Variants in PAX2 observed in about 807,000 individuals in gnomAD.
The protein encoded by PAX2 is paired box protein Pax-2.
A neutral mutation model predicts 41.7 loss-of-function variants in PAX2; 9 were observed. That is an observed-to-expected ratio of 0.22 (90% CI 0.13 to 0.38). The LOEUF is 0.38. Ranked by LOEUF, PAX2 falls within the 10% of genes least tolerant of loss-of-function variation. PAX2 has a pLI of 1.00. For missense variants in PAX2, 418 were observed against 531.6 expected (o/e 0.79, Z 2.10); for synonymous variants, 221 against 212.7 (o/e 1.04, Z -0.34).
At chr10:100,798,104 C>G (rs996786802) in intron 5 of PAX2, among the ~76,000 whole-genome samples, 1 of 86,536 alleles carries the variant, frequency 1.2e-5, no homozygotes, top group African/African-American at 4.3e-5. Context: ...ATGTCCACCT[C>G]TTTTTTTTTT....
upstream of PAX2, among the ~76,000 whole-genome samples, chr10:100,743,226 C>T (rs746045496): frequency 1.3e-5 from 2 of 152,138 alleles, no homozygotes; most frequent in Non-Finnish European, 2.9e-5. Context: ...GGTCTTTACT[C>T]CTCAGAAGGT....
intron 5 of PAX2, among the ~76,000 whole-genome samples, chr10:100,796,882 T>A (rs933726892): frequency 1.3e-5 from 2 of 152,246 alleles, no homozygotes; most frequent in Non-Finnish European, 2.9e-5. Context: ...CGACTAGCTA[T>A]GTGACATGGG....
Position 100,827,817 on chromosome 10 carries a change from T to C in PAX2, c.*198T>C, listed in dbSNP as rs12098288. On this transcript the variant is annotated 3_prime_UTR_variant, in exon 10 of 10. Transcript: ENST00000355243. The surrounding 1 kb of genome is among the most constrained non-coding windows in gnomAD (Gnocchi z 8.5). ...AGGTCGGACAGGACGGGTGGAGCCG[T>C]GGGCGGGACCCTCAGGCCCGGGCCC... The C allele has an allele frequency of 0.3, 230,900 of 768,822 alleles. 42,631 individuals carry two copies. The highest frequency in any genetic ancestry group is 0.75 in the African/African-American group (41,943 of 56,224). The allele number at this position is 768,822 out of a possible 1,614,324, so 47.6% of individuals were successfully genotyped here. A position where few individuals can be genotyped will look rare whatever the true frequency, so the allele number is the denominator to read the frequency against.
In PAX2 at chr10:100,745,589, G is replaced by A. The variant is rs1298446005; in HGVS notation, c.-672G>A. The A allele has an allele frequency of 9.7e-6, 2 of 206,048 alleles. No individual in the cohort carries two copies. Among genetic ancestry groups the A allele is most frequent in the Non-Finnish European group, 1.8e-5 (2 of 108,966 alleles). The allele number at this position is 206,048 out of a possible 1,614,324, so 12.8% of individuals were successfully genotyped here. A position where few individuals can be genotyped will look rare whatever the true frequency, so the allele number is the denominator to read the frequency against. ...ACCGGGAGCCGAGGCTCCAGTCTCC[G>A]GCCGAGTCTTCTCGCAGCCGCAACC... On this transcript the variant is annotated 5_prime_UTR_variant, in exon 1 of 10. Transcript: ENST00000355243.
intron 5 of PAX2, among the ~76,000 whole-genome samples, chr10:100,788,339 C>G (rs191215534): frequency 4.6e-5 from 7 of 152,194 alleles, no homozygotes. Context: ...CAGGCGTGCC[C>G]TGGTCACCAA....
chr10:100,769,635 A>AAAAT (rs1226326061), intron 3 of PAX2, among the ~76,000 whole-genome samples: 1 of 145,456 alleles, frequency 6.9e-6, no homozygotes, highest in Non-Finnish European at 1.5e-5. Flanking sequence ...AGAATAAAAT[A>AAAAT]AAATAAAATA....
In PAX2 at chr10:100,750,263, G is replaced by A. The variant is rs1362871795; in HGVS notation, c.212+349G>A. ...GGGGGGGGAGTGAAAATGGGTCCCCGAGAGGAGAAGCAGCAGCATTTGGGA... is the reference window on the plus strand; with the variant it reads ...GGGGGGGGAGTGAAAATGGGTCCCCAAGAGGAGAAGCAGCAGCATTTGGGA... On this transcript the variant is annotated intron_variant, in intron 2 of 9. Transcript: ENST00000355243. The surrounding 1 kb of genome is among the most constrained non-coding windows in gnomAD (Gnocchi z 4.1). 1.3e-5 allele frequency among the ~76,000 whole-genome samples: 2 copies of A among 151,980 alleles called. No homozygotes were observed. Among genetic ancestry groups the A allele is most frequent in the East Asian group, 1.9e-4 (1 of 5,188 alleles).
chr10:100,767,433 A>T (rs910003535), intron 3 of PAX2, among the ~76,000 whole-genome samples: 1 of 152,148 alleles, frequency 6.6e-6, no homozygotes, highest in Non-Finnish European at 1.5e-5. Flanking sequence ...ATTCAGTTCT[A>T]TCCTGGTTGG....
intron 3 of PAX2, among the ~76,000 whole-genome samples, chr10:100,760,523 A>G (rs1392353036): frequency 1.3e-5 from 2 of 152,156 alleles, no homozygotes; most frequent in African/African-American, 4.8e-5. Flanking sequence ...GCTCTGCTGG[A>G]TGAGTGAACC....
intron 7 of PAX2, among the ~76,000 whole-genome samples, chr10:100,822,607 A>T (rs1848409472): frequency 6.6e-6 from 1 of 152,248 alleles, no homozygotes; most frequent in African/African-American, 2.4e-5. Context: ...CTCATATATT[A>T]TGAAATATAA....
Position 100,791,628 on chromosome 10 carries a change from G to C in PAX2, c.616+10263G>C, listed in dbSNP as rs55788966. ...GGAGAGCAAGCGAGCCAGTGACAGAGGGAGAGATGCGCGGACACACTCACA... is the reference window on the plus strand; with the variant it reads ...GGAGAGCAAGCGAGCCAGTGACAGACGGAGAGATGCGCGGACACACTCACA... On this transcript the variant is annotated intron_variant, in intron 5 of 9. Coordinates refer to ENST00000355243, the MANE Select transcript of PAX2 (RefSeq NM_000278.5). The surrounding 1 kb of genome is among the most constrained non-coding windows in gnomAD (Gnocchi z 4.5). Among the ~76,000 whole-genome samples the C allele has an allele frequency of 0.09, 13,639 of 152,282 alleles. 845 individuals carry two copies. Among genetic ancestry groups the C allele is most frequent in the African/African-American group, 0.17 (6,973 of 41,548 alleles).
rs116521887 is a variant in PAX2 at position 100,796,872 on chromosome 10, C to T, written c.617-9558C>T. On this transcript the variant is annotated intron_variant, in intron 5 of 9. Coordinates refer to ENST00000355243, the MANE Select transcript of PAX2 (RefSeq NM_000278.5). ...GGAACCTCAGTTCCCATTCTTATGA[C>T]GACTAGCTATGTGACATGGGAAAAT... 6.3e-3 allele frequency among the ~76,000 whole-genome samples: 960 copies of T among 152,222 alleles called. 14 individuals carry two copies. Among genetic ancestry groups the T allele is most frequent in the African/African-American group, 0.022 (916 of 41,526 alleles).
Position 100,745,979 on chromosome 10 carries a change from C to G in PAX2, c.-282C>G. On this transcript the variant is annotated 5_prime_UTR_variant, in exon 1 of 10. Coordinates refer to ENST00000355243, the MANE Select transcript of PAX2 (RefSeq NM_000278.5). ...CGAGCCATGCGCCCCCAGTGCACCC[C>G]GGCCCGGCCCACCGCCCCGGGGCCA... 1 of 1,338,294 alleles carries G rather than the reference C, an allele frequency of 7.5e-7. No homozygotes were observed. Among genetic ancestry groups the G allele is most frequent in the Admixed American group, 3.9e-5 (1 of 25,956 alleles). 82.9% of individuals were successfully genotyped at this position (1,338,294 alleles called of 1,614,324 possible).
chr10:100,745,148 G>A (rs1845103393), upstream of PAX2, among the ~76,000 whole-genome samples: 1 of 152,182 alleles, frequency 6.6e-6, no homozygotes, highest in Admixed American at 6.5e-5. Flanking sequence ...AGTTAGAACT[G>A]AGAGCCCGGC....
chr10:100,755,591 A>G (rs916411740), intron 3 of PAX2, among the ~76,000 whole-genome samples: 1 of 152,172 alleles, frequency 6.6e-6, no homozygotes, highest in Non-Finnish European at 1.5e-5. Context: ...GCCTCCATTT[A>G]TTACCGTTCA....
upstream of PAX2, among the ~76,000 whole-genome samples, chr10:100,742,387 C>T (rs1488226875): frequency 1.3e-5 from 2 of 152,008 alleles, no homozygotes; most frequent in Non-Finnish European, 2.9e-5. Flanking sequence ...ACACCTACAC[C>T]CAGACAGAGC....
Position 100,826,313 on chromosome 10 carries a change from C to A in PAX2, c.1022-696C>A, listed in dbSNP as rs900157399. Among the ~76,000 whole-genome samples the A allele has an allele frequency of 1.3e-5, 2 of 149,468 alleles. No individual in the cohort carries two copies. The highest frequency in any genetic ancestry group is 4.2e-4 in the South Asian group (2 of 4,766). ...TGGGGTCATCACACAGGAGAAAGGGCGAGGGGGAAACCTGGAGGCCTGGCC... is the reference window on the plus strand; with the variant it reads ...TGGGGTCATCACACAGGAGAAAGGGAGAGGGGGAAACCTGGAGGCCTGGCC... On this transcript the variant is annotated intron_variant, in intron 8 of 9. Transcript: ENST00000355243. The surrounding 1 kb of genome is among the most constrained non-coding windows in gnomAD (Gnocchi z 5.5).
At chr10:100,819,261 G>T (rs75964204) in intron 7 of PAX2, among the ~76,000 whole-genome samples, 15,205 of 147,704 alleles carry the variant, frequency 0.1, 2,334 homozygotes, top group African/African-American at 0.34. Context: ...AAAAAAAAAG[G>T]GGGGGGAGTT....
intron 5 of PAX2, among the ~76,000 whole-genome samples, chr10:100,796,417 C>T (rs190353263): frequency 1.8e-4 from 28 of 152,208 alleles, no homozygotes; most frequent in African/African-American, 6.0e-4. Flanking sequence ...CATAATCTTC[C>T]ACTGTTCGAT....
Sources: allele counts gnomAD v4.1 joint callset (sites outside exome capture counted in the v4.1 genomes callset), GRCh38; gene constraint gnomAD v4.1.1; non-coding constraint Gnocchi (gnomAD v3.1); transcripts MANE v1.5; gene names NCBI Gene and HGNC (gene_info 2026-07-23, HGNC 2026-07-21).